TRIM2: variants seen among roughly 807,000 people sequenced by gnomAD.
The protein encoded by TRIM2 is tripartite motif-containing protein 2.
Under a neutral mutation model 75.2 loss-of-function variants are expected in TRIM2, and 20 were observed. The ratio of observed to expected loss-of-function variants is 0.27; its 90% CI spans 0.19 to 0.39. The LOEUF (loss-of-function observed/expected upper bound fraction) is 0.39, where lower values mean the gene tolerates loss of function less well. Ranked by LOEUF, TRIM2 falls within the 10% of genes least tolerant of loss-of-function variation. The pLI, the probability that TRIM2 is intolerant of heterozygous loss-of-function variation, is 1.00. For synonymous variants in TRIM2, 373 were observed against 388.3 expected (o/e 0.96, Z 0.46); for missense variants, 660 against 990.8 (o/e 0.67, Z 4.48).
chr4:153,235,583 G>T (rs905339798), intron 1 of TRIM2, among the ~76,000 whole-genome samples: 2 of 152,112 alleles, frequency 1.3e-5, no homozygotes, highest in Admixed American at 1.3e-4. Flanking sequence ...ATGGTGCCCC[G>T]CCAAGTTAAG....
intron 3 of TRIM2, among the ~76,000 whole-genome samples, chr4:153,283,933 C>T (rs1246865855): frequency 6.3e-5 from 8 of 127,392 alleles, no homozygotes; most frequent in African/African-American, 9.4e-5. Context: ...TGCAGTGGTG[C>T]AATCTCAGCT....
At chr4:153,193,373 C>T (rs1428158107) in intron 1 of TRIM2, among the ~76,000 whole-genome samples, 6 of 152,192 alleles carry the variant, frequency 3.9e-5, no homozygotes, top group East Asian at 1.9e-4. Context: ...CCTCGTGATC[C>T]GCCCGCCTTG....
intron 1 of TRIM2, among the ~76,000 whole-genome samples, chr4:153,217,546 C>T (rs1017602432): frequency 6.6e-6 from 1 of 152,084 alleles, no homozygotes; most frequent in Non-Finnish European, 1.5e-5. Context: ...CTAAAACCAG[C>T]ACTTAAAAAA....
At position 153,259,320 on chromosome 4, in the gene TRIM2, A is replaced by C. The variant is rs78209610; in HGVS notation, c.31-11015A>C. Among the ~76,000 whole-genome samples, 171 of 152,310 alleles carry C rather than the reference A, an allele frequency of 1.1e-3. 3 individuals are homozygous for C. The East Asian group carries it at 0.024, about 21-fold the overall frequency. ...TAAAACATTCATTCTTTGTCTTACT[A>C]AGAAATGAAAATGTTCTTTATCTGG... On this transcript the variant is annotated intron_variant, in intron 1 of 11. Coordinates refer to ENST00000338700, the MANE Select transcript of TRIM2 (RefSeq NM_015271.5).
upstream of TRIM2, among the ~76,000 whole-genome samples, chr4:153,200,789 T>A (rs1421505453): frequency 2.2e-5 from 3 of 138,548 alleles, no homozygotes; most frequent in Admixed American, 1.4e-4. Context: ...CTCATTGTGG[T>A]TTTTTTTCTT....
At chr4:153,175,002 T>TTTTTG (rs201609111) in intron 1 of TRIM2, among the ~76,000 whole-genome samples, 2 of 104,420 alleles carry the variant, frequency 1.9e-5, no homozygotes, top group African/African-American at 3.5e-5. Flanking sequence ...TGTTGTTTTG[T>TTTTTG]TTTTGTTTTG....
intron 3 of TRIM2, among the ~76,000 whole-genome samples, chr4:153,277,488 T>C (rs1758294043): frequency 6.6e-6 from 1 of 152,248 alleles, no homozygotes; most frequent in Admixed American, 6.5e-5. Context: ...GGCAAGGACC[T>C]GTCATTAGAC....
chr4:153,314,675 C>T (rs1767202976), intron 6 of TRIM2, among the ~76,000 whole-genome samples: 1 of 151,956 alleles, frequency 6.6e-6, no homozygotes. Flanking sequence ...ATCTAATCTA[C>T]AAAGCACCCT....
intron 1 of TRIM2, among the ~76,000 whole-genome samples, chr4:153,258,006 C>T (rs951690523): frequency 6.6e-6 from 1 of 152,014 alleles, no homozygotes; most frequent in African/African-American, 2.4e-5. Flanking sequence ...GTATTTTTAC[C>T]AGTCTTTATT....
At chr4:153,190,515 T>C (rs1251041024) in intron 1 of TRIM2, among the ~76,000 whole-genome samples, 4 of 152,222 alleles carry the variant, frequency 2.6e-5, no homozygotes, top group Non-Finnish European at 5.9e-5. Flanking sequence ...AGATTTTTTT[T>C]TAAAGCAGCC....
intron 8 of TRIM2, among the ~76,000 whole-genome samples, chr4:153,317,749 GC>G (rs986872627): frequency 6.6e-6 from 1 of 152,160 alleles, no homozygotes; most frequent in Non-Finnish European, 1.5e-5. Flanking sequence ...GATTGCTTGA[GC>G]CCAGGAGTTC....
rs930954486 is a variant in TRIM2 at position 153,313,986 on chromosome 4, C to A, written c.1511-1499C>A. Among the ~76,000 whole-genome samples, 3 of 152,168 alleles carry A rather than the reference C, an allele frequency of 2.0e-5. No individual in the cohort carries two copies. In the East Asian group the frequency reaches 5.8e-4, roughly 29 times the overall value. Reference sequence around the variant, plus strand: ...GAAATTATAAACCTGAAGAATGGTTCTCTCTCTCTATGAAAAATTTATCTT... The same window carrying A: ...GAAATTATAAACCTGAAGAATGGTTATCTCTCTCTATGAAAAATTTATCTT... On this transcript the variant is annotated intron_variant, in intron 6 of 11. Coordinates refer to ENST00000338700, the MANE Select transcript of TRIM2 (RefSeq NM_015271.5).
intron 1 of TRIM2, among the ~76,000 whole-genome samples, chr4:153,163,542 C>T (rs2149598639): frequency 7.4e-6 from 1 of 134,642 alleles, no homozygotes; most frequent in African/African-American, 2.8e-5. Flanking sequence ...TGTTCTGTCA[C>T]CTAGGCTGGA....
chr4:153,252,773 G>T (rs1226491861), intron 1 of TRIM2, among the ~76,000 whole-genome samples: 1 of 152,220 alleles, frequency 6.6e-6, no homozygotes, highest in Non-Finnish European at 1.5e-5. Flanking sequence ...CTCCCAAAGT[G>T]CTGGGATTAC....
In TRIM2 at chr4:153,317,424, G is replaced by A. The variant is rs189175053; in HGVS notation, c.1782+1425G>A. Among the ~76,000 whole-genome samples, 178 of 151,284 alleles carry A rather than the reference G, an allele frequency of 1.2e-3. 2 individuals are homozygous for A. Among genetic ancestry groups the A allele is most frequent in the Admixed American group, 0.011 (169 of 15,200 alleles). On this transcript the variant is annotated intron_variant, in intron 8 of 11. Transcript: ENST00000338700. ...AGCACTTTGGGAGGCCGAGGCGGGC[G>A]GATCACAAGGTCAGGAGATCGAGAC...
intron 2 of TRIM2, 137 bp downstream of exon 2, chr4:153,270,656 A>G: frequency 1.3e-6 from 1 of 761,348 alleles, no homozygotes; most frequent in Non-Finnish European, 2.0e-6. Context: ...ACATTGAAAA[A>G]CAGAATCATG....
At chr4:153,199,834 T>C (rs1244866832), upstream of TRIM2, among the ~76,000 whole-genome samples, 1 of 152,076 alleles carries the variant, frequency 6.6e-6, no homozygotes. Flanking sequence ...AGTGTAGTGG[T>C]ACCATCATAG....
At chr4:153,332,817 T>C (rs1289747024) in intron 11 of TRIM2, among the ~76,000 whole-genome samples, 2 of 152,152 alleles carry the variant, frequency 1.3e-5, no homozygotes, top group Admixed American at 1.3e-4. Context: ...ATATTAATAA[T>C]GCCAAATGCT....
intron 1 of TRIM2, among the ~76,000 whole-genome samples, chr4:153,230,000 A>G (rs776547611): frequency 9.2e-5 from 14 of 152,108 alleles, no homozygotes; most frequent in Non-Finnish European, 1.8e-4. Flanking sequence ...CTATCTATTG[A>G]TGGGGGCCGA....
Sources: gnomAD v4.1 joint callset for allele counts (sites outside exome capture counted in the v4.1 genomes callset) on GRCh38, gnomAD v4.1.1 for gene constraint, MANE v1.5 for transcripts, NCBI Gene and HGNC (gene_info 2026-07-23, HGNC 2026-07-21) for gene names.